The following PARP14 variants were observed in gnomAD, a reference collection of about 807,000 sequenced individuals.
The protein encoded by PARP14 is poly(ADP-ribose) polymerase family member 14.
PARP14 carries 59 observed loss-of-function variants against 154.2 expected under a neutral mutation model. The ratio of observed to expected loss-of-function variants is 0.38; its 90% CI spans 0.31 to 0.48. The LOEUF (loss-of-function observed/expected upper bound fraction) is 0.48, where lower values mean the gene tolerates loss of function less well. Ranked by LOEUF, PARP14 falls within the 20% of genes least tolerant of loss-of-function variation. PARP14 has a pLI of 0.98. For missense variants in PARP14, 1,734 were observed against 2,131.6 expected (o/e 0.81, Z 3.67); for synonymous variants, 720 against 780.5 (o/e 0.92, Z 1.29).
Position 122,718,746 on chromosome 3 carries a change from G to T in PARP14, c.4595G>T (p.Ser1532Ile), listed in dbSNP as rs1933070452. Reference protein sequence around the residue: ...KEQESRADCISEFIEWQYNDN... With the variant: ...KEQESRADCIIEFIEWQYNDN... ...CAGGAATCCCGGGCAGATTGTATCA[G>T]TGAGTTTATAGAATGGCAGTATAAT... The change falls in exon 14 of 17, where the codon AGT becomes ATT. Residue 1532 changes from serine (S) to isoleucine (I), a missense_variant. This residue lies in a region of PARP14 where 1,646 missense variants were observed against 1,976.0 expected (regional missense o/e 0.83). Coordinates refer to ENST00000474629, the MANE Select transcript of PARP14 (RefSeq NM_017554.3). 1 of 1,613,356 alleles carries T rather than the reference G, an allele frequency of 6.2e-7. No homozygotes were observed. The highest frequency in any genetic ancestry group is 1.7e-5 in the Admixed American group (1 of 59,916).
chr3:122,725,503 T>C (rs1933266804), intron 15 of PARP14, among the ~76,000 whole-genome samples: 1 of 152,224 alleles, frequency 6.6e-6, no homozygotes, highest in Non-Finnish European at 1.5e-5. Flanking sequence ...TTAATAATAG[T>C]ACATTCTTAC....
intron 6 of PARP14, among the ~76,000 whole-genome samples, chr3:122,703,251 G>T (rs1939044505): frequency 6.6e-6 from 1 of 152,084 alleles, no homozygotes; most frequent in African/African-American, 2.4e-5. Flanking sequence ...CTCCCTTTCT[G>T]TCAGGGAGTC....
chr3:122,704,024 G>A, intron 7 of PARP14, 46 bp downstream of exon 7: 1 of 1,337,350 alleles, frequency 7.5e-7, no homozygotes, highest in Non-Finnish European at 1.1e-6. Flanking sequence ...TAGCCCTTTG[G>A]GTTCTCCTTT....
chr3:122,699,835 T>C lies in PARP14; in HGVS notation c.1281T>C (p.Asp427=). 1.9e-6 allele frequency: 3 copies of C among 1,613,944 alleles called. No homozygotes were observed. The highest frequency in any genetic ancestry group is 2.5e-6 in the Non-Finnish European group (3 of 1,179,846). Residue 427 remains aspartate, a synonymous_variant, in exon 6 of 17, where the codon GAT becomes GAC. Transcript: ENST00000474629. The part of the protein sequence containing the change: ...VKDDRILIEF[D]TLKEMVILAG... Reference sequence around the variant, plus strand: ...ATGACAGGATTTTGATTGAGTTTGATACACTTAAGGAGATGGTAATCTTAG... The same window carrying C: ...ATGACAGGATTTTGATTGAGTTTGACACACTTAAGGAGATGGTAATCTTAG...
Position 122,701,523 on chromosome 3 carries a change from G to A in PARP14, c.2969G>A (p.Gly990Asp), listed in dbSNP as rs759308888. Residue 990 changes from glycine (G) to aspartate (D), a missense_variant, in exon 6 of 17, where the codon GGT (glycine) becomes GAT (aspartate). By Grantham distance (94) the Gly-to-Asp change is moderately conservative. This residue lies in a region of PARP14 where 1,646 missense variants were observed against 1,976.0 expected (regional missense o/e 0.83). Transcript: ENST00000474629. The surrounding 1 kb of genome is among the most constrained non-coding windows in gnomAD (Gnocchi z 4.0). ...ATLPDTAAPPGLPPAAAGPGK... is the reference protein window; with the variant it reads ...ATLPDTAAPPDLPPAAAGPGK... The stretch of plus-strand genomic sequence containing the variant: ...CTGCCAGATACAGCTGCCCCGCCAG[G>A]TTTACCACCAGCAGCAGCGGGGCCT... 6.2e-7 allele frequency: 1 copy of A among 1,613,146 alleles called. No homozygotes were observed. The highest frequency in any genetic ancestry group is 8.5e-7 in the Non-Finnish European group (1 of 1,179,464).
At chr3:122,710,488 T>C (rs1214881033) in intron 9 of PARP14, among the ~76,000 whole-genome samples, 1 of 152,182 alleles carries the variant, frequency 6.6e-6, no homozygotes, top group Non-Finnish European at 1.5e-5. Flanking sequence ...AGTTGGGTAA[T>C]GTGATGTCTC....
intron 2 of PARP14, among the ~76,000 whole-genome samples, 189 bp downstream of exon 2, chr3:122,685,507 G>A (rs890655605): frequency 1.4e-5 from 2 of 146,552 alleles, no homozygotes; most frequent in African/African-American, 5.2e-5. Context: ...GTAGGAGGGG[G>A]TACTTTTTTT....
chr3:122,716,748 A>G (rs1420374162), intron 12 of PARP14, among the ~76,000 whole-genome samples: 1 of 152,162 alleles, frequency 6.6e-6, no homozygotes, highest in East Asian at 1.9e-4. Flanking sequence ...TCCCCGCTCC[A>G]TGCTTCCTCC....
At position 122,718,245 on chromosome 3, in the gene PARP14, C is replaced by G. The variant is rs759626462; in HGVS notation, c.4175C>G (p.Ser1392Cys). 6.2e-7 allele frequency: 1 copy of G among 1,613,600 alleles called. No individual in the cohort carries two copies. The highest frequency in any genetic ancestry group is 1.7e-5 in the Admixed American group (1 of 59,918). Residue 1392 changes from serine (S) to cysteine (C), a missense_variant, in exon 13 of 17, where the codon TCT becomes TGT. Ser to Cys is a moderately radical substitution (Grantham distance 112). Transcript: ENST00000474629. ...AAGAAAAGAGAAGGGACTCAGCTTT[C>G]TTCCCAACAGTCTGTGATGTCTAAA... The part of the protein sequence containing the change: ...NMKKREGTQL[S>C]SQQSVMSKLA...
chr3:122,704,294 A>T (rs1475539566), intron 7 of PARP14, among the ~76,000 whole-genome samples: 3 of 152,240 alleles, frequency 2.0e-5, no homozygotes, highest in African/African-American at 7.2e-5. Flanking sequence ...GAAGGAAAAG[A>T]ACAGTAGTTG....
At chr3:122,712,987 CA>C (rs1405387024) in intron 9 of PARP14, among the ~76,000 whole-genome samples, 2 of 152,160 alleles carry the variant, frequency 1.3e-5, no homozygotes, top group Non-Finnish European at 2.9e-5. Context: ...ACCCTTGGGT[CA>C]AAGCTGGGAG....
chr3:122,695,625 A>G lies in PARP14; in HGVS notation c.798A>G (p.Glu266=). 1.2e-6 allele frequency: 2 copies of G among 1,602,440 alleles called. No individual in the cohort carries two copies. The highest frequency in any genetic ancestry group is 1.7e-6 in the Non-Finnish European group (2 of 1,170,194). The stretch of plus-strand genomic sequence containing the variant: ...TTGCCAATGTTGAATATTTTCCTGA[A>G]GAGAGTTCAGCTCTGATTGAATTTT... ...GRVANVEYFP[E]ESSALIEFFD... Residue 266 remains glutamate, a synonymous_variant, in exon 5 of 17, where the codon GAA becomes GAG. Coordinates refer to ENST00000474629, the MANE Select transcript of PARP14 (RefSeq NM_017554.3).
chr3:122,714,268 A>G lies in PARP14; in HGVS notation c.3839A>G (p.Gln1280Arg). The change falls in exon 12 of 17, where the codon CAG (glutamine) becomes CGG (arginine). Residue 1280 changes from glutamine (Q) to arginine (R), a missense_variant. Coordinates refer to ENST00000474629, the MANE Select transcript of PARP14 (RefSeq NM_017554.3). ...VERECSQQAQ[Q>R]RKNDYIITGG... ...TTTTGTCTGTGTTTCCCAGCTCAGC[A>G]GCGCAAAAATGATTATATAATCACC... 6.3e-7 allele frequency: 1 copy of G among 1,595,298 alleles called. No individual in the cohort carries two copies. The highest frequency in any genetic ancestry group is 8.5e-7 in the Non-Finnish European group (1 of 1,174,688).
intron 12 of PARP14, among the ~76,000 whole-genome samples, chr3:122,716,530 C>A (rs1933001119): frequency 6.6e-6 from 1 of 152,130 alleles, no homozygotes; most frequent in Non-Finnish European, 1.5e-5. Flanking sequence ...AACTGCAATG[C>A]AACGTGAACC....
intron 15 of PARP14, among the ~76,000 whole-genome samples, chr3:122,726,846 T>G (rs1310466680): frequency 6.7e-6 from 1 of 150,078 alleles, no homozygotes; most frequent in Non-Finnish European, 1.5e-5. Context: ...ATGTAGGCAT[T>G]TTGAAGATTA....
Position 122,699,940 on chromosome 3 carries a change from G to C in PARP14, c.1386G>C (p.Arg462Ser). Residue 462 changes from arginine to serine, a missense_variant, in exon 6 of 17, where the codon AGG becomes AGC. Physicochemically the swap from Arg to Ser is moderately radical, Grantham distance 110. Around this residue, in one of 2 missense-constraint regions of PARP14, gnomAD observed 1,646 missense variants for 1,976.0 expected, o/e 0.83. Transcript: ENST00000474629. The stretch of plus-strand genomic sequence containing the variant: ...AAAGCACTACTCAAAAAATTAAAAG[G>C]GAAGAGCAAAGTTTGAAGGAAAAAA... ...LIESTTQKIKREEQSLKEKMI... is the reference protein window; with the variant it reads ...LIESTTQKIKSEEQSLKEKMI... 1 of 1,613,924 alleles carries C rather than the reference G, an allele frequency of 6.2e-7. No individual in the cohort carries two copies. The highest frequency in any genetic ancestry group is 8.5e-7 in the Non-Finnish European group (1 of 1,179,852).
intron 9 of PARP14, among the ~76,000 whole-genome samples, chr3:122,712,558 T>C (rs184397050): frequency 6.4e-4 from 94 of 145,968 alleles, no homozygotes; most frequent in African/African-American, 2.1e-3. Flanking sequence ...AGGATTGACA[T>C]CTTTTTTTTT....
In PARP14 at chr3:122,681,387, G is replaced by A. The variant is rs1256039642; in HGVS notation, c.187+317G>A. On this transcript the variant is annotated intron_variant, in intron 1 of 16. Coordinates refer to ENST00000474629, the MANE Select transcript of PARP14 (RefSeq NM_017554.3). This position sits in a 1 kb window ranked among gnomAD's most constrained non-coding sequence, Gnocchi z 5.5. ...TGTGGTGGTGTTATTGTTTGTTGTT[G>A]TTGTTGTGGAAGTGAGTCTATCCTC... Among the ~76,000 whole-genome samples the A allele has an allele frequency of 6.6e-6, 1 of 152,216 alleles. No individual in the cohort carries two copies. Among genetic ancestry groups the A allele is most frequent in the Non-Finnish European group, 1.5e-5 (1 of 68,038 alleles).
At chr3:122,699,188 GT>G (rs987139805) in intron 5 of PARP14, among the ~76,000 whole-genome samples, 1 of 151,708 alleles carries the variant, frequency 6.6e-6, no homozygotes, top group Non-Finnish European at 1.5e-5. Flanking sequence ...ACCAACATTA[GT>G]TTTTTTTACT....
Sources: allele counts gnomAD v4.1 joint callset (sites outside exome capture counted in the v4.1 genomes callset), GRCh38; gene constraint gnomAD v4.1.1; regional missense constraint gnomAD v4.1.1; non-coding constraint Gnocchi (gnomAD v3.1); transcripts MANE v1.5; gene names NCBI Gene and HGNC (gene_info 2026-07-23, HGNC 2026-07-21).